The following GTF2I variants were observed in gnomAD, a reference collection of about 807,000 sequenced individuals.
GTF2I encodes general transcription factor IIi.
GTF2I carries 12 observed loss-of-function variants against 67.6 expected under a neutral mutation model. The observed-to-expected ratio is 0.18, with a 90% CI of 0.11 to 0.29. GTF2I has a LOEUF of 0.29. Ranked by LOEUF, GTF2I falls within the 10% of genes least tolerant of loss-of-function variation. The pLI is 1.00. For synonymous variants in GTF2I, 149 were observed against 197.0 expected, an observed-to-expected ratio of 0.76 and a Z score of 2.04; for missense variants, 271 against 580.1, an observed-to-expected ratio of 0.47 and a Z score of 5.47.
At chr7:74,678,588 C>T (rs1362192635) in intron 1 of GTF2I, among the ~76,000 whole-genome samples, 1 of 151,988 alleles carries the variant, frequency 6.6e-6, no homozygotes, top group Non-Finnish European at 1.5e-5. Flanking sequence ...ATCCATTTCA[C>T]CTTCGTTGAG....
chr7:74,727,049 G>A (rs587628418), intron 12 of GTF2I: 6 of 152,188 alleles, frequency 3.9e-5, no homozygotes, highest in African/African-American at 4.8e-5. Flanking sequence ...ATTTTATAGC[G>A]TCATTAGTTG....
At chr7:74,700,564 G>A in intron 5 of GTF2I, 42 bp from the exon 6 acceptor site, 2 of 1,609,772 alleles carry the variant, frequency 1.2e-6, no homozygotes, top group Non-Finnish European at 1.7e-6. Flanking sequence ...CAATAATTTT[G>A]CGTATTCATA....
intron 1 of GTF2I, among the ~76,000 whole-genome samples, chr7:74,660,470 G>A (rs1321075270): frequency 6.6e-6 from 1 of 152,118 alleles, no homozygotes; most frequent in Non-Finnish European, 1.5e-5. Context: ...GGGATTACAG[G>A]CGTGAGCCAC....
rs1554400979 is a variant in GTF2I, at chr7:74,705,144, T to G, written c.587-20T>G. ...TGAAATGTTGAAAAACTAACTCCAA[T>G]TTTTTTTTTTTGTATGTAGGTGGTC... On this transcript the variant is annotated intron_variant, in intron 6 of 34. Transcript: ENST00000573035. The G allele has an allele frequency of 1.5e-6, 1 of 649,022 alleles. No individual in the cohort carries two copies. The highest frequency in any genetic ancestry group is 1.9e-5 in the African/African-American group (1 of 51,572). The allele number at this position is 649,022 out of a possible 1,614,324, so 40.2% of individuals were successfully genotyped here.
At chr7:74,700,042 A>G (rs1280891665) in intron 4 of GTF2I, 2 of 529,598 alleles carry the variant, frequency 3.8e-6, no homozygotes, top group East Asian at 3.1e-5. Context: ...TATTTTATCT[A>G]CTTTTCATTT....
At chr7:74,724,794 G>A (rs782218227) in intron 12 of GTF2I, among the ~76,000 whole-genome samples, 7 of 151,994 alleles carry the variant, frequency 4.6e-5, no homozygotes, top group Middle Eastern at 6.3e-3. Context: ...GGTGGTGGGC[G>A]CCTGTAATCC....
intron 12 of GTF2I, chr7:74,727,704 C>G (rs147572944): frequency 1.1e-3 from 165 of 152,234 alleles, no homozygotes; most frequent in African/African-American, 3.6e-3. Flanking sequence ...GTTTGAGCAG[C>G]AATATTAATA....
At chr7:74,732,197 C>A (rs1295743777) in intron 14 of GTF2I, among the ~76,000 whole-genome samples, 2 of 147,862 alleles carry the variant, frequency 1.4e-5, no homozygotes, top group Non-Finnish European at 3.0e-5. Flanking sequence ...CACAGTGAAA[C>A]CCCCGTCTCT....
intron 8 of GTF2I, among the ~76,000 whole-genome samples, chr7:74,709,584 G>A (rs1791245304): frequency 6.6e-6 from 1 of 151,890 alleles, no homozygotes; most frequent in Admixed American, 6.6e-5. Context: ...TTAGCCAATT[G>A]GAGTGACCCA....
intron 1 of GTF2I, among the ~76,000 whole-genome samples, chr7:74,665,401 G>A (rs1301588850): frequency 1.3e-5 from 2 of 151,772 alleles, no homozygotes; most frequent in South Asian, 2.1e-4. Context: ...ATAGGCATGC[G>A]CCACCACACC....
intron 1 of GTF2I, among the ~76,000 whole-genome samples, chr7:74,667,799 T>C (rs1157272165): frequency 6.6e-6 from 1 of 151,760 alleles, no homozygotes; most frequent in African/African-American, 2.4e-5. Flanking sequence ...ATTAGAGACA[T>C]GAGCTACCAC....
intron 12 of GTF2I, among the ~76,000 whole-genome samples, chr7:74,720,837 G>C (rs368333801): frequency 6.8e-6 from 1 of 147,964 alleles, no homozygotes; most frequent in African/African-American, 2.5e-5. Flanking sequence ...CTGCCTTCCT[G>C]GTTCACGCCA....
At chr7:74,660,678 G>A (rs1286388089) in intron 1 of GTF2I, among the ~76,000 whole-genome samples, 1 of 139,204 alleles carries the variant, frequency 7.2e-6, no homozygotes, top group Non-Finnish European at 1.5e-5. Flanking sequence ...CTGGAGTGCA[G>A]TGGCGCGATC....
In GTF2I at chr7:74,669,224, GTTT is replaced by G. The variant is rs34714148; in HGVS notation, c.-6+11178_-6+11180del. 2.0e-3 allele frequency among the ~76,000 whole-genome samples: 151 copies of G among 75,458 alleles called. 1 individual carries two copies. The highest frequency in any genetic ancestry group is 8.3e-3 in the Middle Eastern group (1 of 120). 49.5% of individuals were successfully genotyped at this position (75,458 alleles called of 152,430 possible). A position where few individuals can be genotyped will look rare whatever the true frequency, so the allele number is the denominator to read the frequency against. ...TAGTTTGTATATCCAGACTAGTTTA[GTTT>G]TTTTTTTTTTTTTTTTTTTTTGAGA... On this transcript the variant is annotated intron_variant, in intron 1 of 34. Coordinates refer to ENST00000573035, the MANE Select transcript of GTF2I (RefSeq NM_032999.4).
intron 1 of GTF2I, among the ~76,000 whole-genome samples, chr7:74,664,646 T>C (rs1283363191): frequency 2.0e-5 from 3 of 152,164 alleles, no homozygotes; most frequent in African/African-American, 7.2e-5. Context: ...TTGGCCAGGC[T>C]GGTCTCAAAC....
chr7:74,684,477 TTTAA>T (rs1297682868), intron 1 of GTF2I, among the ~76,000 whole-genome samples: 2 of 152,160 alleles, frequency 1.3e-5, no homozygotes, highest in Non-Finnish European at 2.9e-5. Flanking sequence ...GTGTTCATTG[TTTAA>T]TTAATGCCAC....
At chr7:74,666,528 C>G (rs1373454245) in intron 1 of GTF2I, among the ~76,000 whole-genome samples, 2 of 55,184 alleles carry the variant, frequency 3.6e-5, no homozygotes, top group African/African-American at 1.7e-4. Flanking sequence ...CGTTTTCCCC[C>G]CCGGTAAGCA....
rs1266405156 is a variant in GTF2I at position 74,658,355 on chromosome 7, G to C, written c.-6+287G>C. 2.0e-5 allele frequency among the ~76,000 whole-genome samples: 3 copies of C among 147,670 alleles called. 1 individual carries two copies. In the East Asian group the frequency reaches 6.1e-4, roughly 30 times the overall value. On this transcript the variant is annotated intron_variant, in intron 1 of 34. Coordinates refer to ENST00000573035, the MANE Select transcript of GTF2I (RefSeq NM_032999.4). ...GACGCGGTCGCGGGGGACGACAGTG[G>C]CACGCGCGCGCCTCAGTGCGCGTGG...
At chr7:74,737,022 ATCTCTAGTAAAAATACAAAAATT>A (rs1794861814) in intron 18 of GTF2I, among the ~76,000 whole-genome samples, 1 of 144,360 alleles carries the variant, frequency 6.9e-6, no homozygotes, top group Non-Finnish European at 1.5e-5. Context: ...ATGAAGCCCC[ATCTCTAGTAAAAATACAAAAATT>A]AGCTGGAAGC....
Sources: gnomAD v4.1 joint callset for allele counts (sites outside exome capture counted in the v4.1 genomes callset) on GRCh38, gnomAD v4.1.1 for gene constraint, MANE v1.5 for transcripts, NCBI Gene and HGNC (gene_info 2026-07-23, HGNC 2026-07-21) for gene names.